Variants in ST7L observed in about 807,000 individuals in gnomAD.
ST7L encodes the protein suppression of tumorigenicity 7 like, also known as suppressor of tumorigenicity 7 protein-like.
Under a neutral mutation model 72.5 loss-of-function variants are expected in ST7L, and 57 were observed. The ratio of observed to expected loss-of-function variants is 0.79; its 90% CI spans 0.64 to 0.98. The LOEUF (loss-of-function observed/expected upper bound fraction) is 0.98, where lower values mean the gene tolerates loss of function less well. Among genes scored for constraint, ST7L ranks in the 50% least tolerant of loss-of-function variants. The pLI is 0.00. For synonymous variants in ST7L, 221 were observed against 240.9 expected, an observed-to-expected ratio of 0.92 and a Z score of 0.77; for missense variants, 576 against 672.2, an observed-to-expected ratio of 0.86 and a Z score of 1.58.
intron 7 of ST7L, 91 bp downstream of exon 7, chr1:112,583,881 G>C (rs948499324): frequency 7.1e-7 from 1 of 1,417,052 alleles, no homozygotes; most frequent in African/African-American, 1.4e-5. Flanking sequence ...TAACCTGTAA[G>C]TATTAAGTTT....
chr1:112,550,368 G>C (rs1224049504), intron 13 of ST7L, among the ~76,000 whole-genome samples: 6 of 152,124 alleles, frequency 3.9e-5, no homozygotes, highest in Non-Finnish European at 7.4e-5. Flanking sequence ...TAAGATGACA[G>C]TTCTTGTTAA....
chr1:112,568,861 A>AATAAATAT lies in ST7L; in HGVS notation c.1245+8124_1245+8125insATATTTAT, dbSNP rs1553247583. 2.8e-4 allele frequency among the ~76,000 whole-genome samples: 32 copies of AATAAATAT among 114,890 alleles called. 1 individual carries two copies. The highest frequency in any genetic ancestry group is 3.9e-3 in the Middle Eastern group (1 of 256). 75.4% of individuals were successfully genotyped at this position (114,890 alleles called of 152,430 possible). A position where few individuals can be genotyped will look rare whatever the true frequency, so the allele number is the denominator to read the frequency against. On this transcript the variant is annotated intron_variant, in intron 11 of 14. Transcript: ENST00000358039. ...CCTGTTTTTTATAAATATAAATATA[A>AATAAATAT]ATATATATATATATATATATATATA...
chr1:112,547,140 C>A (rs547464537), intron 13 of ST7L, among the ~76,000 whole-genome samples: 18 of 151,770 alleles, frequency 1.2e-4, no homozygotes, highest in African/African-American at 4.1e-4. Flanking sequence ...AATTGAGAAT[C>A]ATTCTTGACC....
intron 10 of ST7L, 48 bp downstream of exon 10, chr1:112,578,297 C>G: frequency 6.6e-7 from 1 of 1,514,580 alleles, no homozygotes; most frequent in Non-Finnish European, 9.2e-7. Context: ...AAGCATAATA[C>G]TGAGTTTAGC....
intron 5 of ST7L, 56 bp downstream of exon 5, chr1:112,597,915 C>G: frequency 1.5e-6 from 2 of 1,355,804 alleles, no homozygotes; most frequent in East Asian, 2.4e-5. Flanking sequence ...CTCTAAAGAA[C>G]TTTTAAGATG....
intron 13 of ST7L, among the ~76,000 whole-genome samples, chr1:112,548,407 C>T (rs1657529428): frequency 6.6e-6 from 1 of 151,980 alleles, no homozygotes; most frequent in Non-Finnish European, 1.5e-5. Context: ...AGTTTACAAT[C>T]TAAAAGGGGA....
At chr1:112,602,304 A>G (rs1007897966) in intron 3 of ST7L, among the ~76,000 whole-genome samples, 2 of 152,178 alleles carry the variant, frequency 1.3e-5, no homozygotes, top group African/African-American at 4.8e-5. Flanking sequence ...ATTCTAAGAC[A>G]TTATTTGCCT....
intron 14 of ST7L, chr1:112,539,655 C>CAAAAAAAAAAAAA (rs11372554): frequency 2.6e-6 from 2 of 764,514 alleles, no homozygotes; most frequent in East Asian, 2.0e-4. Context: ...GACTCTGTTT[C>CAAAAAAAAAAAAA]AAAAAAAAAA....
downstream of ST7L, among the ~76,000 whole-genome samples, chr1:112,519,337 G>C (rs1006298): frequency 0.49 from 75,189 of 151,952 alleles, 18,964 homozygotes; most frequent in East Asian, 0.64. Flanking sequence ...TTTTCCTCCC[G>C]TATCCCAGTG....
intron 11 of ST7L, among the ~76,000 whole-genome samples, chr1:112,567,706 C>A (rs896367028): frequency 2.6e-5 from 4 of 152,108 alleles, no homozygotes; most frequent in Non-Finnish European, 5.9e-5. Flanking sequence ...TGTTGAAGTT[C>A]CATTTCCCCA....
Position 112,615,319 on chromosome 1 carries a change from A to C in ST7L, c.288+1494T>G, listed in dbSNP as rs950708584. The stretch of plus-strand genomic sequence containing the variant: ...CTTAATTGTGAGAATTCTCAGAATA[A>C]TGGCCAAAATTCATTAAGTGTACAT... On this transcript the variant is annotated intron_variant, in intron 2 of 14. Transcript: ENST00000358039. Among the ~76,000 whole-genome samples, 8 of 152,320 alleles carry C rather than the reference A, an allele frequency of 5.3e-5. No homozygotes were observed. In the South Asian group the frequency reaches 1.7e-3, roughly 32 times the overall value.
chr1:112,556,966 C>CAACAAAAAAAAAAAAAAAAAAAAA (rs1659232707), intron 11 of ST7L, among the ~76,000 whole-genome samples: 1 of 49,524 alleles, frequency 2.0e-5, no homozygotes, highest in Non-Finnish European at 4.1e-5. Flanking sequence ...GACTCTGTCT[C>CAACAAAAAAAAAAAAAAAAAAAAA]AAAAAAAAAA....
chr1:112,525,891 A>G lies in ST7L; in HGVS notation c.*122T>C. ...TTCATAAGAAGCTTTTTCATATGCA[A>G]AATGCTTTAGCATATATGTAATCCT... On this transcript the variant is annotated 3_prime_UTR_variant, in exon 15 of 15. Coordinates refer to ENST00000358039, the MANE Select transcript of ST7L (RefSeq NM_017744.5). 2 of 1,357,348 alleles carry G rather than the reference A, an allele frequency of 1.5e-6. No homozygotes were observed. The highest frequency in any genetic ancestry group is 2.0e-6 in the Non-Finnish European group (2 of 1,021,758). 84.1% of individuals were successfully genotyped at this position (1,357,348 alleles called of 1,614,324 possible).
chr1:112,574,429 G>A (rs1297649346), intron 11 of ST7L, among the ~76,000 whole-genome samples: 2 of 151,828 alleles, frequency 1.3e-5, no homozygotes, highest in Non-Finnish European at 2.9e-5. Flanking sequence ...GGAGGCCAAG[G>A]CGGGCGGATC....
chr1:112,539,754 G>A (rs1193112350), intron 14 of ST7L: 1 of 984,868 alleles, frequency 1.0e-6, no homozygotes, highest in Non-Finnish European at 1.2e-6. Flanking sequence ...ACCTGCCTTT[G>A]GAAATCCTGC....
At position 112,600,787 on chromosome 1, in the gene ST7L, G is replaced by A. The variant is rs1435054055; in HGVS notation, c.506+7C>T. On this transcript the variant is annotated splice_region_variant and intron_variant, in intron 4 of 14. Coordinates refer to ENST00000358039, the MANE Select transcript of ST7L (RefSeq NM_017744.5). ...GCCCTACTTATACTGAAAGCAAAAT[G>A]TAATACCTCCTATATTCTGCTCCTC... 3 of 1,608,848 alleles carry A rather than the reference G, an allele frequency of 1.9e-6. No homozygotes were observed. The highest frequency in any genetic ancestry group is 1.7e-4 in the Middle Eastern group (1 of 5,882).
chr1:112,618,320 T>C, intron 1 of ST7L: 1 of 1,001,916 alleles, frequency 1.0e-6, no homozygotes, highest in South Asian at 3.8e-5. Context: ...AAACCCACTG[T>C]TGTTTGTGGC....
At chr1:112,602,754 C>T (rs912651395) in intron 3 of ST7L, among the ~76,000 whole-genome samples, 2 of 132,596 alleles carry the variant, frequency 1.5e-5, no homozygotes, top group East Asian at 2.2e-4. Context: ...CTCTCTCTGT[C>T]GCCCAGGCTG....
downstream of ST7L, among the ~76,000 whole-genome samples, chr1:112,519,360 T>C (rs1223249564): frequency 6.6e-6 from 1 of 152,252 alleles, no homozygotes; most frequent in Admixed American, 6.5e-5. Flanking sequence ...ATTTGGAGAC[T>C]AATTCTGTAG....
Sources: gnomAD v4.1 joint callset for allele counts (sites outside exome capture counted in the v4.1 genomes callset) on GRCh38, gnomAD v4.1.1 for gene constraint, MANE v1.5 for transcripts, NCBI Gene and HGNC (gene_info 2026-07-23, HGNC 2026-07-21) for gene names.